The following PPP2R1B variants were observed in gnomAD, a reference collection of about 807,000 sequenced individuals.
PPP2R1B encodes protein phosphatase 2 scaffold subunit Abeta.
PPP2R1B carries 58 observed loss-of-function variants against 72.7 expected under a neutral mutation model. The observed-to-expected ratio is 0.80, with a 90% CI of 0.65 to 0.99. PPP2R1B has a LOEUF of 0.99. PPP2R1B is among the 50% of genes least tolerant of loss of function. PPP2R1B has a pLI of 0.00. For synonymous variants in PPP2R1B, 256 were observed against 264.6 expected (o/e 0.97, Z 0.32); for missense variants, 695 against 733.6 (o/e 0.95, Z 0.61).
intron 10 of PPP2R1B, among the ~76,000 whole-genome samples, chr11:111,748,804 A>C (rs1290918852): frequency 1.3e-5 from 2 of 152,194 alleles, no homozygotes; most frequent in Non-Finnish European, 2.9e-5. Flanking sequence ...AAGAGAGGTA[A>C]TATAATGTGT....
At chr11:111,765,952 C>T in intron 1 of PPP2R1B, 3 of 549,582 alleles carry the variant, frequency 5.5e-6, no homozygotes, top group South Asian at 1.5e-5. Flanking sequence ...GGCCACCTCA[C>T]GGCCCGGATG....
intron 3 of PPP2R1B, among the ~76,000 whole-genome samples, chr11:111,763,704 C>A (rs1403041270): frequency 6.6e-6 from 1 of 152,080 alleles, no homozygotes; most frequent in African/African-American, 2.4e-5. Flanking sequence ...GATAGTGATA[C>A]CATTTACTGA....
intron 7 of PPP2R1B, 79 bp downstream of exon 7, chr11:111,754,901 A>G: frequency 7.5e-7 from 1 of 1,336,678 alleles, no homozygotes; most frequent in East Asian, 2.3e-5. Flanking sequence ...TTCTAGAACA[A>G]AAAACATGCA....
At chr11:111,747,633 T>G (rs1052884944) in intron 11 of PPP2R1B, among the ~76,000 whole-genome samples, 1 of 152,094 alleles carries the variant, frequency 6.6e-6, no homozygotes, top group Non-Finnish European at 1.5e-5. Flanking sequence ...AAGACACCAA[T>G]TACAGGATGG....
chr11:111,743,398 A>G lies in PPP2R1B; in HGVS notation c.1532T>C (p.Met511Thr). The G allele has an allele frequency of 6.2e-7, 1 of 1,612,278 alleles. No homozygotes were observed. Among genetic ancestry groups the G allele is most frequent in the Non-Finnish European group, 8.5e-7 (1 of 1,178,672 alleles). Residue 511 changes from methionine to threonine, a missense_variant, in exon 12 of 15, where the codon ATG becomes ACG. Physicochemically the swap from Met to Thr is moderately conservative, Grantham distance 81. Coordinates refer to ENST00000527614, the MANE Select transcript of PPP2R1B (RefSeq NM_002716.5). ...MANDPNYLHR[M>T]TTLFCINALS... ...TACATTAATGCAGAATAAAGTGGTC[A>G]TTCTATGCAAGTAATTAGGATCATT...
rs188372917 is a variant in PPP2R1B at position 111,755,791 on chromosome 11, C to G, written c.688-341G>C. Among the ~76,000 whole-genome samples, 1,142 of 151,990 alleles carry G rather than the reference C, an allele frequency of 7.5e-3. 14 individuals carry two copies. The highest frequency in any genetic ancestry group is 0.026 in the African/African-American group (1,081 of 41,498). On this transcript the variant is annotated intron_variant, in intron 5 of 14. Coordinates refer to ENST00000527614, the MANE Select transcript of PPP2R1B (RefSeq NM_002716.5). ...TTTTAGTAGAGACAGAGTTTCACCACGTTGGCCAGCCTGGTTTCAAACTCC... is the reference window on the plus strand; with the variant it reads ...TTTTAGTAGAGACAGAGTTTCACCAGGTTGGCCAGCCTGGTTTCAAACTCC...
downstream of PPP2R1B, chr11:111,722,032 T>C: frequency 1.0e-6 from 1 of 964,268 alleles, no homozygotes; most frequent in Non-Finnish European, 1.5e-6. This position sits in a 1 kb window ranked among gnomAD's most constrained non-coding sequence, Gnocchi z 4.4. Flanking sequence ...GGCATTTATT[T>C]AGGGTAGCTG....
At chr11:111,711,893 G>C in the PPP2R1B span, among the ~76,000 whole-genome samples, 5 of 152,232 alleles carry the variant, frequency 3.3e-5, no homozygotes, top group Admixed American at 3.3e-4. Flanking sequence ...AGACAAATAT[G>C]TTTGTTGAAT....
At position 111,742,679 on chromosome 11, in the gene PPP2R1B, T is replaced by G; in HGVS notation, c.1555-14A>C. 2.5e-6 allele frequency: 4 copies of G among 1,586,178 alleles called. No individual in the cohort carries two copies. The South Asian group carries it at 4.7e-5, about 18-fold the overall frequency. On this transcript the variant is annotated splice_polypyrimidine_tract_variant and intron_variant, in intron 12 of 14. Transcript: ENST00000527614. ...CTCAGACAGTGCCTAGAAAAATAAG[T>G]AAGATGGCACATTTAAAATACTTTA...
chr11:111,755,947 G>A (rs1945098593), intron 5 of PPP2R1B, among the ~76,000 whole-genome samples: 1 of 151,432 alleles, frequency 6.6e-6, no homozygotes, highest in African/African-American at 2.4e-5. Flanking sequence ...AGTGGCTCAC[G>A]TCTGTAATAC....
chr11:111,698,221 G>C, the PPP2R1B span, among the ~76,000 whole-genome samples: 2 of 152,184 alleles, frequency 1.3e-5, no homozygotes, highest in Non-Finnish European at 2.9e-5. Flanking sequence ...AGCTTTCTTT[G>C]TGCTAGATTT....
At chr11:111,695,074 G>A in the PPP2R1B span, among the ~76,000 whole-genome samples, 9 of 152,166 alleles carry the variant, frequency 5.9e-5, no homozygotes, top group African/African-American at 1.7e-4. Context: ...TCCACATTCA[G>A]TTTGTGCAAT....
At chr11:111,690,272 CTTTTT>C in the PPP2R1B span, among the ~76,000 whole-genome samples, 3 of 130,436 alleles carry the variant, frequency 2.3e-5, no homozygotes, top group African/African-American at 8.3e-5. Context: ...GAAGGTCTTT[CTTTTT>C]TTTTTTTTTT....
At position 111,765,357 on chromosome 11, in the gene PPP2R1B, A is replaced by G; in HGVS notation, c.142T>C (p.Ser48Pro). The change falls in exon 2 of 15, where the codon TCA (serine) becomes CCA (proline). Residue 48 changes from serine (S) to proline (P), a missense_variant. Ser to Pro is a moderately conservative substitution (Grantham distance 74, BLOSUM62 -1). Transcript: ENST00000527614. ...ACTCCAAGTGCTAGGGCAATTGTTG[A>G]TAACTTCTTAATACTGTTGAGTCGG... ...QLRLNSIKKLSTIALALGVER... is the reference protein window; with the variant it reads ...QLRLNSIKKLPTIALALGVER... 5 of 1,613,620 alleles carry G rather than the reference A, an allele frequency of 3.1e-6. No homozygotes were observed. Among genetic ancestry groups the G allele is most frequent in the Non-Finnish European group, 4.2e-6 (5 of 1,179,564 alleles).
chr11:111,704,760 G>T, the PPP2R1B span, among the ~76,000 whole-genome samples: 1 of 152,162 alleles, frequency 6.6e-6, no homozygotes, highest in Non-Finnish European at 1.5e-5. Context: ...ATGTTAAAGG[G>T]CTGGTAAACC....
At chr11:111,719,356 CTTTTT>C in the PPP2R1B span, among the ~76,000 whole-genome samples, 29 of 118,844 alleles carry the variant, frequency 2.4e-4, no homozygotes, top group Non-Finnish European at 4.0e-4. Flanking sequence ...GTGACTACCC[CTTTTT>C]TTTTTTTTTT....
At chr11:111,743,805 A>T (rs1944607392) in intron 11 of PPP2R1B, among the ~76,000 whole-genome samples, 1 of 152,248 alleles carries the variant, frequency 6.6e-6, no homozygotes, top group South Asian at 2.1e-4. Context: ...AGAACACAGA[A>T]GATACTTTCC....
At chr11:111,752,488 G>C (rs1944946334) in intron 9 of PPP2R1B, among the ~76,000 whole-genome samples, 156 bp from the exon 10 acceptor site, 1 of 152,076 alleles carries the variant, frequency 6.6e-6, no homozygotes, top group Non-Finnish European at 1.5e-5. Flanking sequence ...ATAACTCAAG[G>C]AACATAAATG....
the PPP2R1B span, among the ~76,000 whole-genome samples, chr11:111,704,358 A>G: frequency 6.6e-6 from 1 of 152,172 alleles, no homozygotes; most frequent in Non-Finnish European, 1.5e-5. Flanking sequence ...CTGTTCCCTC[A>G]ATATCTGGGA....
Sources: gnomAD v4.1 joint callset for allele counts (sites outside exome capture counted in the v4.1 genomes callset) on GRCh38, gnomAD v4.1.1 for gene constraint, Gnocchi (gnomAD v3.1) non-coding constraint, MANE v1.5 for transcripts, NCBI Gene and HGNC (gene_info 2026-07-23, HGNC 2026-07-21) for gene names.